Variants in APC observed in about 807,000 individuals in gnomAD.
The protein encoded by APC is adenomatous polyposis coli protein.
APC carries 72 observed loss-of-function variants against 247.0 expected under a neutral mutation model. That is an observed-to-expected ratio of 0.29 (90% CI 0.24 to 0.35). The LOEUF (loss-of-function observed/expected upper bound fraction) is 0.35, where lower values mean the gene tolerates loss of function less well. Among genes scored for constraint, APC ranks in the 10% least tolerant of loss-of-function variants. The probability of loss-of-function intolerance (pLI) is 1.00; values close to 1 mark genes in which losing one functional copy is unlikely to be tolerated. For missense variants in APC, 3,400 were observed against 3,360.7 expected (o/e 1.01, Z -0.29); for synonymous variants, 1,254 against 1,162.5 (o/e 1.08, Z -1.60).
intron 1 of APC, among the ~76,000 whole-genome samples, chr5:112,717,282 C>T (rs926027856): frequency 1.3e-5 from 2 of 152,138 alleles, no homozygotes; most frequent in African/African-American, 4.8e-5. Context: ...AGCCACCGTG[C>T]CCAGCCCCTA....
chr5:112,772,088 A>G (rs768089733), intron 4 of APC, among the ~76,000 whole-genome samples: 5 of 152,224 alleles, frequency 3.3e-5, no homozygotes, highest in Non-Finnish European at 7.3e-5. Flanking sequence ...AATTTATTTA[A>G]CAAATATTTA....
chr5:112,762,581 G>C (rs545191681), intron 2 of APC, among the ~76,000 whole-genome samples: 1 of 152,294 alleles, frequency 6.6e-6, no homozygotes, highest in South Asian at 2.1e-4. Context: ...AACAAAAAAA[G>C]TGAGACACAA....
intron 1 of APC, among the ~76,000 whole-genome samples, chr5:112,720,964 C>G (rs115103886): frequency 0.01 from 1,563 of 152,188 alleles, 27 homozygotes; most frequent in African/African-American, 0.035. Context: ...GTTATTGTTG[C>G]ATCTAAAGAG....
chr5:112,723,789 C>A (rs1751615174), intron 1 of APC, among the ~76,000 whole-genome samples: 2 of 152,178 alleles, frequency 1.3e-5, no homozygotes, highest in Non-Finnish European at 2.9e-5. Context: ...AGGAACATTT[C>A]ATCTCCTTTT....
At chr5:112,820,840 A>G (rs1257065471) in intron 10 of APC, among the ~76,000 whole-genome samples, 1 of 152,084 alleles carries the variant, frequency 6.6e-6, no homozygotes, top group Non-Finnish European at 1.5e-5. Context: ...TAGAGATCAC[A>G]TTTGTACATA....
intron 1 of APC, among the ~76,000 whole-genome samples, chr5:112,717,720 G>A (rs1751250053): frequency 6.6e-6 from 1 of 151,944 alleles, no homozygotes; most frequent in Admixed American, 6.6e-5. Flanking sequence ...GCTGTGATTA[G>A]GCATCGGATT....
At position 112,842,680 on chromosome 5, in the gene APC, A is replaced by G. The variant is rs780439042; in HGVS notation, c.7086A>G (p.Gly2362=). ...STASTKSSGS[G]KMSYTSPGRQ... Reference sequence around the variant, plus strand: ...CTTCAACTAAGTCCTCAGGTTCTGGAAAAATGTCATATACATCTCCAGGTA... The same window carrying G: ...CTTCAACTAAGTCCTCAGGTTCTGGGAAAATGTCATATACATCTCCAGGTA... Residue 2362 remains glycine, a synonymous_variant, in exon 16 of 16, where the codon GGA becomes GGG. Transcript: ENST00000257430. The G allele has an allele frequency of 6.2e-7, 1 of 1,613,500 alleles. No homozygotes were observed. The highest frequency in any genetic ancestry group is 8.5e-7 in the Non-Finnish European group (1 of 1,179,490).
chr5:112,738,518 G>T (rs1247525019), intron 1 of APC: 4 of 983,698 alleles, frequency 4.1e-6, no homozygotes, highest in Non-Finnish European at 4.8e-6. Context: ...CCAGTAGTGT[G>T]CCTGCTTTTG....
At chr5:112,754,205 T>G (rs1027004059) in intron 1 of APC, among the ~76,000 whole-genome samples, 5 of 152,254 alleles carry the variant, frequency 3.3e-5, no homozygotes, top group Admixed American at 6.5e-5. Context: ...TAGGCTATTA[T>G]AGTCAACCTT....
At chr5:112,817,173 C>G (rs778963207) in intron 9 of APC, among the ~76,000 whole-genome samples, 20 of 152,074 alleles carry the variant, frequency 1.3e-4, no homozygotes, top group Non-Finnish European at 2.5e-4. Flanking sequence ...CCCGGCCCAT[C>G]AGAGATTTTA....
intron 9 of APC, among the ~76,000 whole-genome samples, chr5:112,817,838 A>G (rs565084609): frequency 7.9e-5 from 12 of 152,312 alleles, no homozygotes; most frequent in African/African-American, 2.6e-4. Context: ...TAACTATAAT[A>G]GTATCACAGC....
At chr5:112,815,389 T>A in intron 8 of APC, 106 bp from the exon 9 acceptor site, 1 of 775,930 alleles carries the variant, frequency 1.3e-6, no homozygotes, top group East Asian at 2.9e-5. Context: ...TATGATGTAT[T>A]TAATTGTTTA....
At chr5:112,708,243 A>C (rs1314195188) in intron 1 of APC, among the ~76,000 whole-genome samples, 1 of 152,126 alleles carries the variant, frequency 6.6e-6, no homozygotes, top group Non-Finnish European at 1.5e-5. Context: ...TGCTTCCTCT[A>C]AAAGTTTTAA....
Position 112,845,661 on chromosome 5 carries a change from G to T in APC, c.*1535G>T, listed in dbSNP as rs76017392. On this transcript the variant is annotated 3_prime_UTR_variant, in exon 16 of 16. Transcript: ENST00000257430. Reference sequence around the variant, plus strand: ...CTTTATTTGTGGTAGGTACAGTTCTGGGGTACATGTTAAGTGTCCCCTTAT... The same window carrying T: ...CTTTATTTGTGGTAGGTACAGTTCTTGGGTACATGTTAAGTGTCCCCTTAT... 5 of 232,054 alleles carry T rather than the reference G, an allele frequency of 2.2e-5. No individual in the cohort carries two copies. In the East Asian group the frequency reaches 3.0e-4, roughly 14 times the overall value. The allele number at this position is 232,054 out of a possible 1,614,324, so 14.4% of individuals were successfully genotyped here.
In APC at chr5:112,766,438, A is replaced by G. The variant is rs200746873; in HGVS notation, c.220+28A>G. The G allele has an allele frequency of 2.0e-6, 3 of 1,508,022 alleles. No individual in the cohort carries two copies. The highest frequency in any genetic ancestry group is 2.8e-6 in the Non-Finnish European group (3 of 1,083,810). 93.4% of individuals were successfully genotyped at this position (1,508,022 alleles called of 1,614,324 possible). On this transcript the variant is annotated intron_variant, in intron 3 of 15. Coordinates refer to ENST00000257430, the MANE Select transcript of APC (RefSeq NM_000038.6). ...AGATTTTAAAAAGGTGTTTTAAAAT[A>G]ATTTTTTAAGCTCAAATTGTCATCT...
At chr5:112,826,983 G>A in intron 11 of APC, 125 bp from the exon 12 acceptor site, 1 of 890,022 alleles carries the variant, frequency 1.1e-6, no homozygotes, top group Admixed American at 2.5e-5. Flanking sequence ...TAATTCTAAA[G>A]GCAAATTTAA....
chr5:112,823,613 G>A (rs998192794), intron 11 of APC, among the ~76,000 whole-genome samples: 1 of 152,202 alleles, frequency 6.6e-6, no homozygotes, highest in Non-Finnish European at 1.5e-5. Flanking sequence ...GTACATATAT[G>A]AAGATTCTAC....
At chr5:112,722,889 T>C (rs1386128570) in intron 1 of APC, among the ~76,000 whole-genome samples, 3 of 152,184 alleles carry the variant, frequency 2.0e-5, no homozygotes, top group East Asian at 3.9e-4. Context: ...ATTGCATAGG[T>C]ATGATTGACA....
chr5:112,815,913 T>A (rs1056918521), intron 9 of APC, among the ~76,000 whole-genome samples: 2 of 152,338 alleles, frequency 1.3e-5, no homozygotes, highest in African/African-American at 4.8e-5. Flanking sequence ...AGTGGAGAAT[T>A]CTGATTCACA....
Sources: gnomAD v4.1 joint callset for allele counts (sites outside exome capture counted in the v4.1 genomes callset) on GRCh38, gnomAD v4.1.1 for gene constraint, MANE v1.5 for transcripts, NCBI Gene and HGNC (gene_info 2026-07-23, HGNC 2026-07-21) for gene names.